CNTNAP3B: variants seen among roughly 807,000 people sequenced by gnomAD.
The protein encoded by CNTNAP3B is contactin associated protein family member 3B.
In CNTNAP3B, 25 loss-of-function variants were observed where a neutral mutation model predicts 108.9. The ratio of observed to expected loss-of-function variants is 0.23; its 90% confidence interval spans 0.17 to 0.32. The LOEUF (loss-of-function observed/expected upper bound fraction) is 0.32. Among genes scored for constraint, CNTNAP3B ranks in the 10% least tolerant of loss-of-function variants. The pLI is 1.00. For missense variants in CNTNAP3B, 252 were observed against 1,210.4 expected, an observed-to-expected ratio of 0.21 and a Z score of 11.75; for synonymous variants, 103 against 473.4, an observed-to-expected ratio of 0.22 and a Z score of 10.16.
intron 1 of CNTNAP3B, among the ~76,000 whole-genome samples, chr9:42,123,715 T>A (rs1172113502): frequency 4.3e-5 from 6 of 138,364 alleles, no homozygotes; most frequent in Admixed American, 3.6e-4. Context: ...TCAATAAACT[T>A]TTTTCCACGG....
Position 41,946,629 on chromosome 9 carries a change from GA to G in CNTNAP3B, c.2080+6553del, listed in dbSNP as rs1412921435. Among the ~76,000 whole-genome samples, 4 of 51,192 alleles carry G rather than the reference GA, an allele frequency of 7.8e-5. 2 individuals are homozygous for G. The highest frequency in any genetic ancestry group is 1.6e-4 in the Non-Finnish European group (4 of 25,096). The allele number at this position is 51,192 out of a possible 152,430, so 33.6% of individuals were successfully genotyped here. On this transcript the variant is annotated intron_variant, in intron 13 of 23. Coordinates refer to ENST00000377561, the MANE Select transcript of CNTNAP3B (RefSeq NM_001201380.3). ...ACTGGTGAGTTCTATCAACATTGGA[GA>G]AATAAATGATACCAATTTTCCACAA...
At chr9:41,934,168 CATAT>C (rs1296468116) in intron 14 of CNTNAP3B, among the ~76,000 whole-genome samples, 1 of 100,328 alleles carries the variant, frequency 1.0e-5, no homozygotes, top group African/African-American at 3.8e-5. Flanking sequence ...CACACACACA[CATAT>C]ATATACACAC....
At chr9:42,030,750 C>CAGAGAGACAGAG (rs1335836899) in intron 3 of CNTNAP3B, among the ~76,000 whole-genome samples, 1 of 60,404 alleles carries the variant, frequency 1.7e-5, no homozygotes, top group African/African-American at 7.7e-5. Context: ...GAAAGAGATA[C>CAGAGAGACAGAG]AGAGAGAGAG....
chr9:42,097,054 G>T, intron 2 of CNTNAP3B, among the ~76,000 whole-genome samples: 1 of 138,906 alleles, frequency 7.2e-6, no homozygotes, highest in Non-Finnish European at 1.5e-5. Context: ...GCCCGGTCCC[G>T]CACAGAAGTT....
rs1351641839 is a variant in CNTNAP3B, at chr9:42,063,235, A to G, written c.390+13634T>C. ...TTGTAAGACACTTCTGAGAGTAATG[A>G]ACTCTTGACTTTGTGTGTGTGTGTC... On this transcript the variant is annotated intron_variant, in intron 3 of 23. Coordinates refer to ENST00000377561, the MANE Select transcript of CNTNAP3B (RefSeq NM_001201380.3). Among the ~76,000 whole-genome samples, 3 of 128,788 alleles carry G rather than the reference A, an allele frequency of 2.3e-5. 1 individual carries two copies. Among genetic ancestry groups the G allele is most frequent in the African/African-American group, 9.4e-5 (3 of 31,840 alleles). 84.5% of individuals were successfully genotyped at this position (128,788 alleles called of 152,430 possible).
chr9:41,990,907 G>A (rs1341170390), intron 8 of CNTNAP3B, among the ~76,000 whole-genome samples: 1 of 139,714 alleles, frequency 7.2e-6, no homozygotes, highest in Admixed American at 7.1e-5. Flanking sequence ...CCCTGATGGG[G>A]AGTGGGGATG....
chr9:41,963,016 C>G (rs62557277), intron 11 of CNTNAP3B, among the ~76,000 whole-genome samples: 1,522 of 151,670 alleles, frequency 0.01, no homozygotes, highest in South Asian at 0.038. Flanking sequence ...AAACAGGGAC[C>G]CTTCTAGTAC....
chr9:42,090,962 A>ATATATT (rs1491485120), intron 2 of CNTNAP3B, among the ~76,000 whole-genome samples: 4 of 37,762 alleles, frequency 1.1e-4, no homozygotes, highest in African/African-American at 3.7e-4. Context: ...CTCTCTCTAA[A>ATATATT]TATATATATA....
chr9:42,099,162 G>A (rs183298881), intron 2 of CNTNAP3B, among the ~76,000 whole-genome samples: 1 of 126,230 alleles, frequency 7.9e-6, no homozygotes, highest in African/African-American at 3.2e-5. Context: ...AGTGATAATT[G>A]ATGTCAACCT....
At position 42,112,626 on chromosome 9, in the gene CNTNAP3B, G is replaced by A. The variant is rs1014581287; in HGVS notation, c.86-7887C>T. ...ATTCTATAAATTAGAATTTACAGGG[G>A]GTAGGAGATAGGGGTTACACGTTGT... On this transcript the variant is annotated intron_variant, in intron 1 of 23. Coordinates refer to ENST00000377561, the MANE Select transcript of CNTNAP3B (RefSeq NM_001201380.3). Among the ~76,000 whole-genome samples, 20 of 136,934 alleles carry A rather than the reference G, an allele frequency of 1.5e-4. 7 individuals are homozygous for A. The highest frequency in any genetic ancestry group is 1.5e-4 in the Admixed American group (2 of 13,716). 89.8% of individuals were successfully genotyped at this position (136,934 alleles called of 152,430 possible). A position where few individuals can be genotyped will look rare whatever the true frequency, so the allele number is the denominator to read the frequency against.
intron 3 of CNTNAP3B, among the ~76,000 whole-genome samples, chr9:42,018,178 CAG>C (rs1187616118): frequency 3.8e-5 from 5 of 132,140 alleles, no homozygotes; most frequent in Admixed American, 7.7e-5. Context: ...TATATTTATG[CAG>C]AGTTAATCAG....
intron 2 of CNTNAP3B, among the ~76,000 whole-genome samples, chr9:42,088,381 TTTC>T (rs1480172777): frequency 1.5e-5 from 2 of 137,476 alleles, no homozygotes; most frequent in Non-Finnish European, 3.1e-5. Context: ...CAGCCAAATA[TTTC>T]TTGTTCTCAT....
chr9:41,940,689 C>T (rs1395588584), intron 13 of CNTNAP3B, among the ~76,000 whole-genome samples: 1 of 152,112 alleles, frequency 6.6e-6, no homozygotes, highest in Non-Finnish European at 1.5e-5. Flanking sequence ...GCGGCGGGAG[C>T]CTGTAGTCCC....
chr9:41,951,886 G>A (rs1824696855), intron 13 of CNTNAP3B, among the ~76,000 whole-genome samples: 2 of 152,256 alleles, frequency 1.3e-5, no homozygotes, highest in South Asian at 4.1e-4. Context: ...AGAACAGCCT[G>A]ACCAACACGG....
rs148418608 is a variant in CNTNAP3B at position 41,952,114 on chromosome 9, G to A, written c.2080+1069C>T. Among the ~76,000 whole-genome samples, 569 of 152,338 alleles carry A rather than the reference G, an allele frequency of 3.7e-3. 1 individual carries two copies. Among genetic ancestry groups the A allele is most frequent in the East Asian group, 9.6e-3 (50 of 5,190 alleles). ...GTCTGGCATATTCCAGGGGCTGATT[G>A]GCCAGACGGACTAGGGAAGGCAATG... On this transcript the variant is annotated intron_variant, in intron 13 of 23. Transcript: ENST00000377561.
At chr9:42,086,204 G>A (rs1333454104) in intron 2 of CNTNAP3B, among the ~76,000 whole-genome samples, 19 of 142,684 alleles carry the variant, frequency 1.3e-4, no homozygotes, top group Admixed American at 2.8e-4. Context: ...ATCAGACCTT[G>A]TGAGATTGAT....
At chr9:41,929,165 T>C (rs1823904247) in intron 15 of CNTNAP3B, among the ~76,000 whole-genome samples, 152 bp downstream of exon 15, 1 of 150,612 alleles carries the variant, frequency 6.6e-6, no homozygotes, top group Non-Finnish European at 1.5e-5. Flanking sequence ...CAGTACTGAC[T>C]GTGCCTTTAT....
chr9:42,119,666 T>C (rs1165552935), intron 1 of CNTNAP3B, among the ~76,000 whole-genome samples: 1 of 138,636 alleles, frequency 7.2e-6, no homozygotes, highest in East Asian at 2.1e-4. Context: ...TCAGAAATAA[T>C]GCCACATATC....
rs1236072758 is a variant in CNTNAP3B at position 42,015,538 on chromosome 9, G to A, written c.391-2013C>T. Among the ~76,000 whole-genome samples, 3 of 92,282 alleles carry A rather than the reference G, an allele frequency of 3.3e-5. 1 individual carries two copies. Among genetic ancestry groups the A allele is most frequent in the East Asian group, 6.3e-4 (1 of 1,600 alleles). 60.5% of individuals were successfully genotyped at this position (92,282 alleles called of 152,430 possible). On this transcript the variant is annotated intron_variant, in intron 3 of 23. Transcript: ENST00000377561. The stretch of plus-strand genomic sequence containing the variant: ...ACCCTGCTACTCTGCTGCAAGCTGC[G>A]GTTTCTTCATCTGTAAAACTGATCT...
Sources: allele counts gnomAD v4.1 joint callset (sites outside exome capture counted in the v4.1 genomes callset), GRCh38; gene constraint gnomAD v4.1.1; transcripts MANE v1.5; gene names NCBI Gene and HGNC (gene_info 2026-07-23, HGNC 2026-07-21).